Variants in COPG2 observed in about 807,000 individuals in gnomAD.
COPG2 encodes coatomer subunit gamma-2.
A neutral mutation model predicts 46.3 loss-of-function variants in COPG2; 37 were observed. That is an observed-to-expected ratio of 0.80 (90% confidence interval 0.61 to 1.05). The LOEUF (loss-of-function observed/expected upper bound fraction) is 1.05, where lower values mean the gene tolerates loss of function less well. Ranked by LOEUF, COPG2 falls within the 50% of genes least tolerant of loss-of-function variation. COPG2 has a pLI of 0.00. For synonymous variants in COPG2, 159 were observed against 129.7 expected (o/e 1.23, Z -1.53); for missense variants, 427 against 387.8 (o/e 1.10, Z -0.85).
intron 20 of COPG2, among the ~76,000 whole-genome samples, chr7:130,531,787 T>C (rs1243449054): frequency 3.4e-5 from 4 of 118,870 alleles, no homozygotes; most frequent in Admixed American, 2.2e-4. Context: ...GGAACCAAGG[T>C]GGTCGCAGGG....
chr7:130,610,984 C>A lies in COPG2; in HGVS notation c.706G>T (p.Ala236Ser), dbSNP rs782495186. 1.2e-6 allele frequency: 2 copies of A among 1,613,794 alleles called. No homozygotes were observed. Among genetic ancestry groups the A allele is most frequent in the Non-Finnish European group, 1.7e-6 (2 of 1,179,880 alleles). The change falls in exon 9 of 24, where the codon GCC (alanine) becomes TCC (serine). Residue 236 changes from alanine to serine, a missense_variant. By Grantham distance (99) the Ala-to-Ser change is moderately conservative (BLOSUM62 1). Transcript: ENST00000425248. ...TCAGTTTCTTTTAGTAAGCGACTGG[C>A]AATTCGGATCAGCATGCAGTAAGCA... ...QFAYCMLIRI[A>S]SRLLKETEDG...
Position 130,550,572 on chromosome 7 carries a change from T to A in COPG2, c.1726A>T (p.Met576Leu), listed in dbSNP as rs1165043225. The A allele has an allele frequency of 1.0e-5, 4 of 398,360 alleles. No individual in the cohort carries two copies. The highest frequency in any genetic ancestry group is 1.3e-4 in the South Asian group (1 of 7,856). 24.7% of individuals were successfully genotyped at this position (398,360 alleles called of 1,614,324 possible). Residue 576 changes from methionine to leucine, a missense_variant, in exon 17 of 24, where the codon ATG becomes TTG. Physicochemically the swap from Met to Leu is conservative, Grantham distance 15. Transcript: ENST00000425248. ...GCCATAGCAAGAGGAATTGATTTCA[T>A]GTCAAACGGTTTTTCTGAAGGCTCC... is the stretch of plus-strand genomic sequence containing the variant. The part of the protein sequence containing the change: ...TLEPSEKPFD[M>L]KSIPLAMAPV...
At chr7:130,644,062 T>C (rs1454246793) in intron 5 of COPG2, among the ~76,000 whole-genome samples, 3 of 152,170 alleles carry the variant, frequency 2.0e-5, no homozygotes, top group African/African-American at 7.2e-5. Flanking sequence ...AAAAAGTCTC[T>C]CTCCGATTCT....
intron 20 of COPG2, among the ~76,000 whole-genome samples, chr7:130,527,109 TAA>T (rs1799782061): frequency 6.8e-6 from 1 of 146,936 alleles, no homozygotes; most frequent in South Asian, 2.3e-4. Context: ...AAGTTCAAAG[TAA>T]AGAGACTGAG....
chr7:130,660,160 T>C (rs1322337301), intron 4 of COPG2, among the ~76,000 whole-genome samples: 1 of 152,200 alleles, frequency 6.6e-6, no homozygotes. Context: ...TTCCGTATTT[T>C]TGCCTAAGGA....
intron 8 of COPG2, among the ~76,000 whole-genome samples, chr7:130,611,392 T>A (rs1554452072): frequency 6.6e-6 from 1 of 152,166 alleles, no homozygotes; most frequent in Non-Finnish European, 1.5e-5. Flanking sequence ...TCACACATCC[T>A]CAGTACACAC....
At chr7:130,513,302 AAAAAAAAT>A (rs1799628398) in intron 20 of COPG2, among the ~76,000 whole-genome samples, 3 of 38,276 alleles carry the variant, frequency 7.8e-5, no homozygotes, top group African/African-American at 2.5e-4. Flanking sequence ...AAAAAAAAAA[AAAAAAAAT>A]ATATATATAT....
intron 3 of COPG2, among the ~76,000 whole-genome samples, chr7:130,663,730 C>CTTTTTTT (rs71178602): frequency 1.5e-5 from 1 of 67,148 alleles, no homozygotes; most frequent in African/African-American, 6.0e-5. Flanking sequence ...CATTTCTTTT[C>CTTTTTTT]TTTTTTTTTT....
intron 9 of COPG2, among the ~76,000 whole-genome samples, chr7:130,601,697 G>A (rs1454821710): frequency 6.6e-6 from 1 of 152,230 alleles, no homozygotes; most frequent in African/African-American, 2.4e-5. Context: ...ATAGCGTTAG[G>A]AGAAATACCT....
chr7:130,519,411 G>A (rs1466349346), intron 20 of COPG2, among the ~76,000 whole-genome samples: 1 of 152,174 alleles, frequency 6.6e-6, no homozygotes. Context: ...TGTCCAGACT[G>A]AATGGAGGGT....
intron 9 of COPG2, among the ~76,000 whole-genome samples, chr7:130,594,781 G>A (rs1330793329): frequency 6.6e-6 from 1 of 152,140 alleles, no homozygotes; most frequent in Non-Finnish European, 1.5e-5. Context: ...GATCACTAGG[G>A]TAATGCAAAT....
At chr7:130,543,616 A>G (rs1288339134) in intron 20 of COPG2, among the ~76,000 whole-genome samples, 1 of 152,196 alleles carries the variant, frequency 6.6e-6, no homozygotes, top group African/African-American at 2.4e-5. Flanking sequence ...TGTTTTGAAC[A>G]CTGGAGGTGG....
chr7:130,645,088 AAAG>A (rs1795569521), intron 5 of COPG2: 3 of 382,666 alleles, frequency 7.8e-6, no homozygotes, highest in African/African-American at 6.5e-5. Flanking sequence ...AAAAAAAAGA[AAAG>A]AAATGCTTAA....
intron 20 of COPG2, among the ~76,000 whole-genome samples, chr7:130,536,562 C>G (rs1163606379): frequency 6.6e-6 from 1 of 152,184 alleles, no homozygotes; most frequent in Non-Finnish European, 1.5e-5. Context: ...TCCTCGGGGT[C>G]CTGCATCCTC....
intron 5 of COPG2, among the ~76,000 whole-genome samples, chr7:130,632,651 T>C (rs765388260): frequency 6.6e-6 from 1 of 152,154 alleles, no homozygotes; most frequent in Non-Finnish European, 1.5e-5. Flanking sequence ...TCTCTCTCTC[T>C]TTTCAGTTGG....
At chr7:130,647,730 AT>A (rs35878935) in intron 5 of COPG2, among the ~76,000 whole-genome samples, 26,472 of 131,570 alleles carry the variant, frequency 0.2, 2,390 homozygotes, top group Middle Eastern at 0.26. Flanking sequence ...CCTCATTAAG[AT>A]TTTTTTTTTT....
rs188264509 is a variant in COPG2, at chr7:130,661,592, T to C, written c.243+1375A>G. Among the ~76,000 whole-genome samples, 172 of 152,338 alleles carry C rather than the reference T, an allele frequency of 1.1e-3. 2 individuals are homozygous for C. Among genetic ancestry groups the C allele is most frequent in the African/African-American group, 3.8e-3 (159 of 41,594 alleles). ...TCTCTGATTTGATTGAAGGTATTAA[T>C]GACCAGTTTCCAATGGTAAAGGGGC... On this transcript the variant is annotated intron_variant, in intron 4 of 23. Transcript: ENST00000425248.
chr7:130,506,568 T>G lies in COPG2; in HGVS notation c.*108A>C. The G allele has an allele frequency of 2.0e-6, 1 of 512,438 alleles. No individual in the cohort carries two copies. The highest frequency in any genetic ancestry group is 3.0e-5 in the South Asian group (1 of 32,860). The allele number at this position is 512,438 out of a possible 1,614,324, so 31.7% of individuals were successfully genotyped here. On this transcript the variant is annotated 3_prime_UTR_variant, in exon 24 of 24. Transcript: ENST00000425248. Reference sequence around the variant, plus strand: ...CAGGGCCAAATGTTTAATTTGCTTCTCCAAAGTCATTCATCTTCAAAAGTC... The same window carrying G: ...CAGGGCCAAATGTTTAATTTGCTTCGCCAAAGTCATTCATCTTCAAAAGTC...
chr7:130,659,757 C>T (rs1230559998), intron 4 of COPG2, among the ~76,000 whole-genome samples: 2 of 151,858 alleles, frequency 1.3e-5, no homozygotes, highest in African/African-American at 4.8e-5. Flanking sequence ...ACTAAAAATA[C>T]AAAAATTAGA....
Sources: allele counts gnomAD v4.1 joint callset (sites outside exome capture counted in the v4.1 genomes callset), GRCh38; gene constraint gnomAD v4.1.1; transcripts MANE v1.5; gene names NCBI Gene and HGNC (gene_info 2026-07-23, HGNC 2026-07-21).